The following DOCK5 variants were observed in gnomAD, a reference collection of about 807,000 sequenced individuals.
The protein encoded by DOCK5 is dedicator of cytokinesis 5.
In DOCK5, 142 loss-of-function variants were observed where a neutral mutation model predicts 251.8. The ratio of observed to expected loss-of-function variants is 0.56; its 90% CI spans 0.49 to 0.65. The LOEUF (loss-of-function observed/expected upper bound fraction) is 0.65, where lower values mean the gene tolerates loss of function less well. DOCK5 is among the 30% of genes least tolerant of loss of function. The pLI, the probability that DOCK5 is intolerant of heterozygous loss-of-function variation, is 0.00. For missense variants in DOCK5, 2,111 were observed against 2,312.3 expected (o/e 0.91, Z 1.79); for synonymous variants, 842 against 835.5 (o/e 1.01, Z -0.13).
chr8:25,282,907 A>G (rs2941597), intron 5 of DOCK5, among the ~76,000 whole-genome samples: 108,915 of 144,050 alleles, frequency 0.76, 42,872 homozygotes, highest in Middle Eastern at 0.87. Flanking sequence ...TAGAAATCCC[A>G]CATTTCTATA....
At chr8:25,308,949 G>A in intron 12 of DOCK5, 24 bp downstream of exon 12, 19 of 1,528,628 alleles carry the variant, frequency 1.2e-5, no homozygotes, top group Non-Finnish European at 1.7e-5. Context: ...CCAGAGCTGG[G>A]AGGGACTCTG....
intron 36 of DOCK5, 144 bp downstream of exon 36, chr8:25,373,802 A>G: frequency 1.4e-6 from 1 of 726,768 alleles, no homozygotes; most frequent in Non-Finnish European, 2.2e-6. Context: ...TTCACCCTGA[A>G]CCGACAAACT....
At chr8:25,312,632 G>C (rs1399762856) in intron 13 of DOCK5, among the ~76,000 whole-genome samples, 1 of 151,834 alleles carries the variant, frequency 6.6e-6, no homozygotes, top group East Asian at 1.9e-4. Flanking sequence ...GCGAGTTGAC[G>C]TGTACCTGTA....
Position 25,369,225 on chromosome 8 carries a change from T to A in DOCK5, c.3439-331T>A, listed in dbSNP as rs547654713. Among the ~76,000 whole-genome samples the A allele has an allele frequency of 2.6e-5, 4 of 152,326 alleles. No individual in the cohort carries two copies. The South Asian group carries it at 8.3e-4, about 32-fold the overall frequency. ...TCTATGAACCTCTGCAAAAGCAATC[T>A]CACTGCAGAGACTTAGACATGAAAC... On this transcript the variant is annotated intron_variant, in intron 33 of 51. Transcript: ENST00000276440.
Position 25,329,331 on chromosome 8 carries a change from C to A in DOCK5, c.1904-2920C>A, listed in dbSNP as rs182113014. ...CCACATTTCAAGTGCTCAGTAATCT[C>A]CTGCAGCTGGCAACTTTTGCATGCC... On this transcript the variant is annotated intron_variant, in intron 18 of 51. Coordinates refer to ENST00000276440, the MANE Select transcript of DOCK5 (RefSeq NM_024940.8). 3.4e-3 allele frequency among the ~76,000 whole-genome samples: 516 copies of A among 152,154 alleles called. 8 individuals carry two copies. Among genetic ancestry groups the A allele is most frequent in the African/African-American group, 0.012 (491 of 41,512 alleles).
intron 51 of DOCK5, among the ~76,000 whole-genome samples, chr8:25,410,966 T>C (rs1193506783): frequency 8.5e-5 from 7 of 81,926 alleles, no homozygotes; most frequent in African/African-American, 3.2e-4. Flanking sequence ...TGTGTGTGTG[T>C]GTGTGTGCGC....
intron 5 of DOCK5, among the ~76,000 whole-genome samples, chr8:25,285,689 G>A (rs797021180): frequency 5.3e-5 from 8 of 152,248 alleles, no homozygotes; most frequent in African/African-American, 1.7e-4. Context: ...TCTTTGAACC[G>A]GTGGTTATTA....
chr8:25,314,613 A>G (rs1393802414), intron 13 of DOCK5, among the ~76,000 whole-genome samples: 1 of 103,558 alleles, frequency 9.7e-6, no homozygotes, highest in Non-Finnish European at 1.9e-5. Context: ...CTACCCATCC[A>G]CCTACCCATC....
intron 26 of DOCK5, among the ~76,000 whole-genome samples, chr8:25,350,239 A>G (rs1215035190): frequency 6.6e-6 from 1 of 152,226 alleles, no homozygotes; most frequent in African/African-American, 2.4e-5. Flanking sequence ...TAAAAATGTT[A>G]AGCAAAAAAA....
intron 6 of DOCK5, among the ~76,000 whole-genome samples, chr8:25,295,218 C>T (rs1396596991): frequency 2.0e-5 from 3 of 151,920 alleles, no homozygotes; most frequent in Non-Finnish European, 4.4e-5. Context: ...GTGGGAGGCT[C>T]ACTTGAAGCC....
chr8:25,292,304 CTTTGAAG>C (rs1804513725), intron 6 of DOCK5, 132 bp downstream of exon 6: 3 of 1,089,054 alleles, frequency 2.8e-6, no homozygotes. Context: ...CTCATTTTGT[CTTTGAAG>C]ACATTTAATT....
chr8:25,202,869 C>T (rs1201878564), intron 1 of DOCK5, among the ~76,000 whole-genome samples: 1 of 152,026 alleles, frequency 6.6e-6, no homozygotes, highest in Admixed American at 6.6e-5. Context: ...ACTGCAATAC[C>T]CCGGCAGTTT....
At chr8:25,392,652 G>C (rs902737204) in intron 43 of DOCK5, 144 bp from the exon 44 acceptor site, 1 of 673,902 alleles carries the variant, frequency 1.5e-6, no homozygotes, top group Non-Finnish European at 2.6e-6. Context: ...AGAAAATTTG[G>C]CTCAGTCTCT....
At chr8:25,223,231 C>T (rs1161349726) in intron 1 of DOCK5, among the ~76,000 whole-genome samples, 1 of 152,164 alleles carries the variant, frequency 6.6e-6, no homozygotes, top group Non-Finnish European at 1.5e-5. Context: ...GTCTTGAACT[C>T]CTGGCCTCGA....
At chr8:25,363,886 C>T (rs1439441955) in intron 29 of DOCK5, among the ~76,000 whole-genome samples, 1 of 152,256 alleles carries the variant, frequency 6.6e-6, no homozygotes, top group Non-Finnish European at 1.5e-5. Flanking sequence ...CCAGAGGAAG[C>T]CTTTCTGACC....
At chr8:25,356,932 T>C (rs1026066283) in intron 27 of DOCK5, among the ~76,000 whole-genome samples, 13 of 106,936 alleles carry the variant, frequency 1.2e-4, no homozygotes, top group Admixed American at 2.9e-4. Flanking sequence ...TATATATATA[T>C]ATATATATAT....
chr8:25,356,273 C>T (rs1427660151), intron 27 of DOCK5, among the ~76,000 whole-genome samples: 1 of 152,106 alleles, frequency 6.6e-6, no homozygotes, highest in East Asian at 1.9e-4. Flanking sequence ...CAGAACAGAA[C>T]CATGATAAGT....
At chr8:25,344,013 T>A (rs1397850169) in intron 25 of DOCK5, among the ~76,000 whole-genome samples, 1 of 152,174 alleles carries the variant, frequency 6.6e-6, no homozygotes, top group East Asian at 1.9e-4. Context: ...TTCACCATGT[T>A]GGCCAGCTTG....
At chr8:25,190,827 A>AGGGT (rs2117440106) in intron 1 of DOCK5, among the ~76,000 whole-genome samples, 1 of 104,762 alleles carries the variant, frequency 9.5e-6, no homozygotes, top group South Asian at 3.4e-4. Context: ...TCTGTCGCCC[A>AGGGT]GGGTGGAGTG....
Sources: allele counts gnomAD v4.1 joint callset (sites outside exome capture counted in the v4.1 genomes callset), GRCh38; gene constraint gnomAD v4.1.1; transcripts MANE v1.5; gene names NCBI Gene and HGNC (gene_info 2026-07-23, HGNC 2026-07-21).